Variants in C12orf42 observed in about 807,000 individuals in gnomAD.
C12orf42 encodes uncharacterized protein C12orf42.
Under a neutral mutation model 21.6 loss-of-function variants are expected in C12orf42, and 25 were observed. That is an observed-to-expected ratio of 1.16 (90% CI 0.84 to 1.62). C12orf42 has a LOEUF of 1.62. Ranked by LOEUF, C12orf42 falls within the 40% of genes most tolerant of loss-of-function variation. The pLI, the probability that C12orf42 is intolerant of heterozygous loss-of-function variation, is 0.00. For missense variants in C12orf42, 483 were observed against 459.3 expected (o/e 1.05, Z -0.47); for synonymous variants, 174 against 175.0 (o/e 0.99, Z 0.05).
chr12:103,539,557 C>A, the C12orf42 span, among the ~76,000 whole-genome samples: 1 of 151,658 alleles, frequency 6.6e-6, no homozygotes, highest in Admixed American at 6.6e-5. Context: ...CATGTATGTA[C>A]GTTCCTAAAA....
At chr12:103,415,194 T>C (rs2049203449) in intron 2 of C12orf42, among the ~76,000 whole-genome samples, 1 of 152,074 alleles carries the variant, frequency 6.6e-6, no homozygotes, top group Non-Finnish European at 1.5e-5. Flanking sequence ...CATTACATAA[T>C]GATAAAAGGT....
At chr12:103,333,034 G>T (rs1053254095) in intron 4 of C12orf42, among the ~76,000 whole-genome samples, 1 of 152,098 alleles carries the variant, frequency 6.6e-6, no homozygotes, top group Non-Finnish European at 1.5e-5. Flanking sequence ...GATTATGCTT[G>T]TCCCATCAGG....
chr12:103,286,518 T>C (rs1328345321), intron 4 of C12orf42, among the ~76,000 whole-genome samples: 1 of 151,446 alleles, frequency 6.6e-6, no homozygotes, highest in African/African-American at 2.4e-5. Flanking sequence ...ATGTGAGGTA[T>C]GTATCAACTG....
the C12orf42 span, among the ~76,000 whole-genome samples, chr12:103,057,930 T>A: frequency 6.6e-6 from 1 of 152,072 alleles, no homozygotes; most frequent in African/African-American, 2.4e-5. Context: ...TAGTTTTGAT[T>A]TGTATTTCTC....
At chr12:103,437,099 T>A (rs1340287443) in intron 2 of C12orf42, among the ~76,000 whole-genome samples, 1 of 151,620 alleles carries the variant, frequency 6.6e-6, no homozygotes, top group African/African-American at 2.4e-5. Context: ...GGATTAAGAA[T>A]CTCGCTCAAA....
exon 11 of C12orf42, chr12:103,237,595 A>C (rs2033512160): frequency 6.6e-6 from 1 of 152,218 alleles, no homozygotes; most frequent in Non-Finnish European, 1.5e-5. Context: ...GTGACGTGCA[A>C]TAAAAATTCA....
the C12orf42 span, among the ~76,000 whole-genome samples, chr12:103,225,910 G>A: frequency 7.3e-4 from 111 of 152,310 alleles, 1 homozygote; most frequent in South Asian, 0.016. Context: ...GTTGGTCTAA[G>A]GGGCTTCCTA....
the C12orf42 span, among the ~76,000 whole-genome samples, chr12:103,053,268 C>A: frequency 2.0e-5 from 3 of 151,908 alleles, no homozygotes; most frequent in South Asian, 2.1e-4. Flanking sequence ...CCAGTGATAA[C>A]ATCTTAAATA....
intron 1 of C12orf42, among the ~76,000 whole-genome samples, chr12:103,489,524 G>C (rs1369958779): frequency 6.6e-6 from 1 of 152,246 alleles, no homozygotes; most frequent in East Asian, 1.9e-4. Flanking sequence ...AGACGTTACT[G>C]CTGCCTTTTG....
Position 103,392,204 on chromosome 12 carries a change from C to T in C12orf42, c.147+9403G>A, listed in dbSNP as rs772107084. Reference sequence around the variant, plus strand: ...TTATATGCCTATCTGTATGCCAGTACCACACTGTTTTTATTAGTGTCATTT... The same window carrying T: ...TTATATGCCTATCTGTATGCCAGTATCACACTGTTTTTATTAGTGTCATTT... On this transcript the variant is annotated intron_variant, in intron 3 of 5. Transcript: ENST00000548883. 6.6e-5 allele frequency among the ~76,000 whole-genome samples: 10 copies of T among 152,166 alleles called. No homozygotes were observed. In the South Asian group the frequency reaches 8.3e-4, roughly 13 times the overall value.
chr12:103,334,153 A>G (rs2041483192), intron 4 of C12orf42, among the ~76,000 whole-genome samples: 1 of 152,178 alleles, frequency 6.6e-6, no homozygotes, highest in Non-Finnish European at 1.5e-5. Flanking sequence ...TGCCTGTACA[A>G]TGTTCATATT....
intron 2 of C12orf42, among the ~76,000 whole-genome samples, chr12:103,414,210 T>C (rs2049100329): frequency 6.6e-6 from 1 of 152,226 alleles, no homozygotes; most frequent in South Asian, 2.1e-4. Context: ...CATTGTGGTT[T>C]TGATTTGCAT....
At chr12:103,236,317 AAC>A (rs2033465698), downstream of C12orf42, among the ~76,000 whole-genome samples, 1 of 152,304 alleles carries the variant, frequency 6.6e-6, no homozygotes. Flanking sequence ...TTCTTTCAAT[AAC>A]AACAGAAAAT....
intron 3 of C12orf42, among the ~76,000 whole-genome samples, chr12:103,398,060 AAAAAT>A (rs1345855215): frequency 6.6e-6 from 1 of 152,198 alleles, no homozygotes; most frequent in Non-Finnish European, 1.5e-5. Flanking sequence ...ATTTGTATCA[AAAAAT>A]AAAATAAAAG....
At chr12:103,213,634 C>A in the C12orf42 span, among the ~76,000 whole-genome samples, 2 of 152,168 alleles carry the variant, frequency 1.3e-5, no homozygotes, top group Non-Finnish European at 2.9e-5. Flanking sequence ...TGCAGTTGTA[C>A]CATCTTTAGT....
chr12:103,508,789 A>G, the C12orf42 span, among the ~76,000 whole-genome samples: 1 of 152,354 alleles, frequency 6.6e-6, no homozygotes, highest in African/African-American at 2.4e-5. Context: ...GTCCTGGCTC[A>G]GCCACTTGCC....
intron 10 of C12orf42, among the ~76,000 whole-genome samples, chr12:103,257,001 A>C (rs2034648614): frequency 6.6e-6 from 1 of 152,170 alleles, no homozygotes; most frequent in African/African-American, 2.4e-5. Context: ...AAAAAAATGC[A>C]GTACATATAC....
chr12:103,457,522 C>G (rs1001304969), intron 2 of C12orf42, among the ~76,000 whole-genome samples: 2 of 152,168 alleles, frequency 1.3e-5, no homozygotes, highest in Non-Finnish European at 2.9e-5. Context: ...GATGGTCCAT[C>G]TCGCAGACCA....
chr12:103,361,346 G>A (rs1213319920), intron 4 of C12orf42, among the ~76,000 whole-genome samples: 1 of 152,080 alleles, frequency 6.6e-6, no homozygotes, highest in African/African-American at 2.4e-5. Flanking sequence ...GAAATACAGG[G>A]GTAGAGGAAG....
Sources: allele counts gnomAD v4.1 joint callset (sites outside exome capture counted in the v4.1 genomes callset), GRCh38; gene constraint gnomAD v4.1.1; transcripts MANE v1.5; gene names NCBI Gene and HGNC (gene_info 2026-07-23, HGNC 2026-07-21).